SNAP91: variants seen among roughly 807,000 people sequenced by gnomAD.
SNAP91 encodes clathrin coat assembly protein AP180.
A neutral mutation model predicts 100.3 loss-of-function variants in SNAP91; 27 were observed. The observed-to-expected ratio is 0.27, with a 90% confidence interval of 0.20 to 0.37. SNAP91 has a LOEUF of 0.37. Among genes scored for constraint, SNAP91 ranks in the 10% least tolerant of loss-of-function variants. The pLI, the probability that SNAP91 is intolerant of heterozygous loss-of-function variation, is 1.00. For synonymous variants in SNAP91, 404 were observed against 398.6 expected, an observed-to-expected ratio of 1.01 and a Z score of -0.16; for missense variants, 986 against 1,123.7, an observed-to-expected ratio of 0.88 and a Z score of 1.75.
At chr6:83,590,751 T>C (rs1413719264) in intron 22 of SNAP91, among the ~76,000 whole-genome samples, 1 of 152,086 alleles carries the variant, frequency 6.6e-6, no homozygotes, top group East Asian at 1.9e-4. Flanking sequence ...CATAAGCACA[T>C]TACCCTTTAA....
chr6:83,582,085 T>C, intron 23 of SNAP91, 137 bp downstream of exon 23: 2 of 884,390 alleles, frequency 2.3e-6, no homozygotes, highest in Non-Finnish European at 3.3e-6. Flanking sequence ...AAATGAGAGA[T>C]TTATTAACGT....
chr6:83,558,962 T>C (rs1341136283), intron 28 of SNAP91, among the ~76,000 whole-genome samples: 2 of 152,222 alleles, frequency 1.3e-5, no homozygotes, highest in Non-Finnish European at 2.9e-5. Context: ...CAACAAAGTG[T>C]AACATATTTT....
At chr6:83,642,311 G>A (rs920250843) in intron 7 of SNAP91, among the ~76,000 whole-genome samples, 3 of 151,944 alleles carry the variant, frequency 2.0e-5, no homozygotes, top group African/African-American at 7.3e-5. Context: ...TTTACATTAG[G>A]TATATCTCCT....
chr6:83,666,697 A>C (rs2098692874), intron 2 of SNAP91, among the ~76,000 whole-genome samples: 1 of 152,136 alleles, frequency 6.6e-6, no homozygotes, highest in Middle Eastern at 3.2e-3. Context: ...GTTCGGAATT[A>C]TAAGTGGATC....
intron 22 of SNAP91, among the ~76,000 whole-genome samples, chr6:83,584,990 C>A (rs1403981008): frequency 6.6e-6 from 1 of 152,144 alleles, no homozygotes; most frequent in East Asian, 1.9e-4. Context: ...AGTGCCCTCA[C>A]AAGCCTAGAA....
rs376112145 is a variant in SNAP91, at chr6:83,656,740, G to A, written c.658+14C>T. On this transcript the variant is annotated intron_variant, in intron 7 of 29. Coordinates refer to ENST00000369694, the MANE Select transcript of SNAP91 (RefSeq NM_001242792.2). ...ATCCCATCAGCCCAGACATGTTTCG[G>A]TTGTTCCACCTACCGAGTAAGTTAA... 2.3e-5 allele frequency: 30 copies of A among 1,295,182 alleles called. No homozygotes were observed. In the African/African-American group the frequency reaches 3.8e-4, roughly 17 times the overall value. The allele number at this position is 1,295,182 out of a possible 1,614,324, so 80.2% of individuals were successfully genotyped here.
At chr6:83,610,742 T>C in intron 11 of SNAP91, 65 bp from the exon 12 acceptor site, 1 of 154,580 alleles carries the variant, frequency 6.5e-6, no homozygotes, top group Non-Finnish European at 1.1e-5. Context: ...TATATATATA[T>C]ATATAAATAT....
chr6:83,601,231 C>T, intron 16 of SNAP91, 40 bp downstream of exon 16: 2 of 1,603,710 alleles, frequency 1.2e-6, no homozygotes, highest in Non-Finnish European at 1.7e-6. Context: ...GTAATTTTAG[C>T]AATCCTGAAA....
rs1032662134 is a variant in SNAP91 at position 83,576,124 on chromosome 6, T to G, written c.2300-71A>C. 7.6e-6 allele frequency: 6 copies of G among 787,852 alleles called. No homozygotes were observed. In the Admixed American group the frequency reaches 1.1e-4, roughly 15 times the overall value. 48.8% of individuals were successfully genotyped at this position (787,852 alleles called of 1,614,324 possible). On this transcript the variant is annotated intron_variant, in intron 24 of 29. Transcript: ENST00000369694. ...TTTATATGATATGACATTTAAAAGATCAAATAATCAGAAGTCTATAAAAAA... is the reference window on the plus strand; with the variant it reads ...TTTATATGATATGACATTTAAAAGAGCAAATAATCAGAAGTCTATAAAAAA...
At chr6:83,602,170 C>T (rs2095294660) in intron 14 of SNAP91, among the ~76,000 whole-genome samples, 1 of 151,988 alleles carries the variant, frequency 6.6e-6, no homozygotes, top group South Asian at 2.1e-4. Context: ...TTAAAAAATC[C>T]TCTGTATTCT....
intron 16 of SNAP91, among the ~76,000 whole-genome samples, chr6:83,601,028 A>G (rs2128241142): frequency 6.6e-6 from 1 of 152,328 alleles, no homozygotes; most frequent in Admixed American, 6.5e-5. Context: ...CATGAATTCT[A>G]ATGTTAAAAA....
chr6:83,645,707 C>G (rs978548297), intron 7 of SNAP91, among the ~76,000 whole-genome samples: 1 of 151,980 alleles, frequency 6.6e-6, no homozygotes, highest in African/African-American at 2.4e-5. Flanking sequence ...AAAAATTAGC[C>G]AGGAGTGGTG....
rs76041948 is a variant in SNAP91, at chr6:83,690,935, T to C, written c.130+16863A>G. Among the ~76,000 whole-genome samples, 464 of 152,222 alleles carry C rather than the reference T, an allele frequency of 3.0e-3. 12 individuals are homozygous for C. Among genetic ancestry groups the C allele is most frequent in the East Asian group, 0.03 (155 of 5,174 alleles). ...CACACTATGATGTAGAAATTGCTAATATTGAATTTCTTATGCATTTCAAGT... is the reference window on the plus strand; with the variant it reads ...CACACTATGATGTAGAAATTGCTAACATTGAATTTCTTATGCATTTCAAGT... On this transcript the variant is annotated intron_variant, in intron 2 of 29. Coordinates refer to ENST00000369694, the MANE Select transcript of SNAP91 (RefSeq NM_001242792.2).
chr6:83,672,616 T>G (rs1028411141), intron 2 of SNAP91, among the ~76,000 whole-genome samples: 1 of 152,134 alleles, frequency 6.6e-6, no homozygotes, highest in Non-Finnish European at 1.5e-5. Context: ...CCCTAGTACC[T>G]ACCACAGGTC....
In SNAP91 at chr6:83,582,413, T is replaced by C. The variant is rs1346859423; in HGVS notation, c.2015-57A>G. On this transcript the variant is annotated intron_variant, in intron 22 of 29. Transcript: ENST00000369694. ...ATAACATAAAGGTGGGTAAAGGCCA[T>C]AAAAACTGAATTTAAAAAGTTATAG... 13 of 1,523,116 alleles carry C rather than the reference T, an allele frequency of 8.5e-6. No individual in the cohort carries two copies. The Middle Eastern group carries it at 6.9e-4, about 81-fold the overall frequency. The allele number at this position is 1,523,116 out of a possible 1,614,324, so 94.4% of individuals were successfully genotyped here.
intron 9 of SNAP91, among the ~76,000 whole-genome samples, chr6:83,617,827 GATTTC>G (rs59831135): frequency 0.043 from 6,506 of 151,778 alleles, 450 homozygotes; most frequent in African/African-American, 0.15. Context: ...AAGCATTAGA[GATTTC>G]ATTTCATCTT....
At chr6:83,652,014 T>C (rs1478999488) in intron 7 of SNAP91, among the ~76,000 whole-genome samples, 3 of 152,206 alleles carry the variant, frequency 2.0e-5, no homozygotes, top group Admixed American at 6.5e-5. Context: ...TTAATATAAC[T>C]ACTCTTGCTT....
chr6:83,564,489 A>G (rs1047291258), intron 26 of SNAP91, among the ~76,000 whole-genome samples: 1 of 151,952 alleles, frequency 6.6e-6, no homozygotes, highest in Non-Finnish European at 1.5e-5. Context: ...CAGCCTCCTC[A>G]GTAGGTGGAA....
intron 5 of SNAP91, among the ~76,000 whole-genome samples, chr6:83,660,404 G>T (rs2098517212): frequency 6.6e-6 from 1 of 152,190 alleles, no homozygotes; most frequent in South Asian, 2.1e-4. Context: ...CCAAACTAAG[G>T]TCAGGTTAGC....
Sources: gnomAD v4.1 joint callset for allele counts (sites outside exome capture counted in the v4.1 genomes callset) on GRCh38, gnomAD v4.1.1 for gene constraint, MANE v1.5 for transcripts, NCBI Gene and HGNC (gene_info 2026-07-23, HGNC 2026-07-21) for gene names.